DYNC2I2: variants seen among roughly 807,000 people sequenced by gnomAD.
DYNC2I2 encodes cytoplasmic dynein 2 intermediate chain 2.
A neutral mutation model predicts 52.0 loss-of-function variants in DYNC2I2; 39 were observed. The ratio of observed to expected loss-of-function variants is 0.75; its 90% CI spans 0.58 to 0.98. The LOEUF (loss-of-function observed/expected upper bound fraction) is 0.98, where lower values mean the gene tolerates loss of function less well. Ranked by LOEUF, DYNC2I2 falls within the 50% of genes least tolerant of loss-of-function variation. The pLI is 0.00. For missense variants in DYNC2I2, 743 were observed against 728.4 expected (o/e 1.02, Z -0.23); for synonymous variants, 359 against 321.1 (o/e 1.12, Z -1.26).
the DYNC2I2 span, among the ~76,000 whole-genome samples, chr9:128,682,832 C>T: frequency 5.3e-5 from 8 of 151,398 alleles, no homozygotes; most frequent in African/African-American, 1.7e-4. Flanking sequence ...CCCACCTCCA[C>T]GCTCGGCTGA....
At chr9:128,660,334 T>C (rs1043610337), upstream of DYNC2I2, among the ~76,000 whole-genome samples, 2 of 151,928 alleles carry the variant, frequency 1.3e-5, no homozygotes, top group Non-Finnish European at 2.9e-5. Flanking sequence ...ATGGTCCCGA[T>C]CTCCTGACCT....
rs540469402 is a variant in DYNC2I2 at position 128,636,579 on chromosome 9, A to G, written c.546-141T>C. 15 of 1,018,240 alleles carry G rather than the reference A, an allele frequency of 1.5e-5. No individual in the cohort carries two copies. In the East Asian group the frequency reaches 3.9e-4, roughly 27 times the overall value. The allele number at this position is 1,018,240 out of a possible 1,614,324, so 63.1% of individuals were successfully genotyped here. On this transcript the variant is annotated intron_variant, in intron 3 of 8. Coordinates refer to ENST00000372715, the MANE Select transcript of DYNC2I2 (RefSeq NM_052844.4). ...ACTACTCTGGGTATTGAAGTGGCCC[A>G]CACTCCACTCTAGCACCCCAAGGGT... is the stretch of plus-strand genomic sequence containing the variant.
At chr9:128,681,520 T>G in the DYNC2I2 span, among the ~76,000 whole-genome samples, 1 of 152,212 alleles carries the variant, frequency 6.6e-6, no homozygotes, top group Non-Finnish European at 1.5e-5. Flanking sequence ...AACATTCTTG[T>G]CTATTATGAA....
intron 1 of DYNC2I2, among the ~76,000 whole-genome samples, chr9:128,645,201 A>AC (rs1860592022): frequency 6.6e-6 from 1 of 152,042 alleles, no homozygotes; most frequent in South Asian, 2.1e-4. Context: ...AAAAAAAAAA[A>AC]AATACAAAAA....
At chr9:128,634,062 TC>T in intron 8 of DYNC2I2, 80 bp from the exon 9 acceptor site, 2 of 1,570,586 alleles carry the variant, frequency 1.3e-6, no homozygotes, top group East Asian at 4.5e-5. Context: ...ATGCCCGGGT[TC>T]AATCCTGTTG....
the DYNC2I2 span, among the ~76,000 whole-genome samples, chr9:128,681,071 C>A: frequency 6.6e-6 from 1 of 152,136 alleles, no homozygotes; most frequent in African/African-American, 2.4e-5. Context: ...GCATTCACAT[C>A]ATTCCGAGTA....
At chr9:128,660,130 A>G (rs2132197391), upstream of DYNC2I2, among the ~76,000 whole-genome samples, 1 of 151,194 alleles carries the variant, frequency 6.6e-6, no homozygotes, top group Non-Finnish European at 1.5e-5. Context: ...TATTTTTGAG[A>G]CGGAGTCTCG....
chr9:128,640,212 G>A (rs530325286), intron 2 of DYNC2I2, among the ~76,000 whole-genome samples: 8 of 151,588 alleles, frequency 5.3e-5, no homozygotes, highest in South Asian at 2.1e-4. Context: ...GGGTTTCACC[G>A]TGTTAGCCAG....
chr9:128,668,477 T>C, the DYNC2I2 span, among the ~76,000 whole-genome samples: 8 of 151,882 alleles, frequency 5.3e-5, no homozygotes, highest in Admixed American at 1.3e-4. Flanking sequence ...ATCACGATTG[T>C]GTCATCACAC....
At chr9:128,671,233 A>G in the DYNC2I2 span, among the ~76,000 whole-genome samples, 1 of 151,824 alleles carries the variant, frequency 6.6e-6, no homozygotes. Context: ...CAGGAGTTCA[A>G]GACTACAGGG....
chr9:128,665,769 CAA>C, the DYNC2I2 span, among the ~76,000 whole-genome samples: 175 of 72,150 alleles, frequency 2.4e-3, no homozygotes, highest in Non-Finnish European at 3.7e-3. Context: ...GACTCTGTGT[CAA>C]AAAAAAAAAA....
Position 128,656,824 on chromosome 9 carries a change from C to T in DYNC2I2, c.-98G>A. On this transcript the variant is annotated 5_prime_UTR_variant, in exon 1 of 9. It removes an upstream start codon present in the reference 5' UTR. Transcript: ENST00000372715. ...ACGGGGAATGTGAGGCTGACGGCGC[C>T]ATGTTTGAATTGGTCGCAGCGCCTC... The T allele has an allele frequency of 4.8e-6, 6 of 1,240,662 alleles. No individual in the cohort carries two copies. Among genetic ancestry groups the T allele is most frequent in the Non-Finnish European group, 4.1e-6 (4 of 964,538 alleles). The allele number at this position is 1,240,662 out of a possible 1,614,324, so 76.9% of individuals were successfully genotyped here. A position where few individuals can be genotyped will look rare whatever the true frequency, so the allele number is the denominator to read the frequency against.
intron 1 of DYNC2I2, among the ~76,000 whole-genome samples, chr9:128,645,858 G>A (rs919810021): frequency 6.6e-6 from 1 of 152,174 alleles, no homozygotes; most frequent in Non-Finnish European, 1.5e-5. Flanking sequence ...CTACTCCAGG[G>A]AACACACAAA....
chr9:128,640,556 C>G, intron 2 of DYNC2I2, 135 bp downstream of exon 2: 2 of 1,394,808 alleles, frequency 1.4e-6, no homozygotes, highest in Non-Finnish European at 1.9e-6. Flanking sequence ...AGCGCAGTAC[C>G]AGGCAGGACA....
intron 5 of DYNC2I2, 48 bp from the exon 6 acceptor site, chr9:128,635,307 C>G (rs1449355075): frequency 1.3e-6 from 2 of 1,581,750 alleles, no homozygotes; most frequent in East Asian, 2.3e-5. Flanking sequence ...GGACACCTGC[C>G]CAGGTGTCAC....
upstream of DYNC2I2, among the ~76,000 whole-genome samples, chr9:128,659,271 G>A (rs9785296): frequency 0.11 from 16,695 of 151,686 alleles, 1,556 homozygotes; most frequent in African/African-American, 0.24. Flanking sequence ...CGAGGCGGGC[G>A]GATCACGAGG....
the DYNC2I2 span, among the ~76,000 whole-genome samples, chr9:128,675,238 C>T: frequency 5.3e-5 from 8 of 151,958 alleles, no homozygotes; most frequent in East Asian, 1.9e-4. Flanking sequence ...AGTGCAGTGG[C>T]GCGATCTCAG....
In DYNC2I2 at chr9:128,649,770, G is replaced by A. The variant is rs111557265; in HGVS notation, c.186+6771C>T. ...AGCACTTTGGGAGGCTGAGGTGGGC[G>A]GATCATGAGGTCAGGAGTTCAAGAC... On this transcript the variant is annotated intron_variant, in intron 1 of 8. Coordinates refer to ENST00000372715, the MANE Select transcript of DYNC2I2 (RefSeq NM_052844.4). Among the ~76,000 whole-genome samples, 14 of 71,416 alleles carry A rather than the reference G, an allele frequency of 2.0e-4. 3 individuals are homozygous for A. The highest frequency in any genetic ancestry group is 4.4e-4 in the African/African-American group (13 of 29,704). The allele number at this position is 71,416 out of a possible 152,430, so 46.9% of individuals were successfully genotyped here.
the DYNC2I2 span, among the ~76,000 whole-genome samples, chr9:128,682,753 G>T: frequency 7.0e-6 from 1 of 142,430 alleles, no homozygotes. Flanking sequence ...TCAGCTCACT[G>T]CAAGCTCCGC....
Sources: allele counts gnomAD v4.1 joint callset (sites outside exome capture counted in the v4.1 genomes callset), GRCh38; gene constraint gnomAD v4.1.1; transcripts MANE v1.5; gene names NCBI Gene and HGNC (gene_info 2026-07-23, HGNC 2026-07-21).